Variants in UNC13C observed in about 807,000 individuals in gnomAD.
UNC13C encodes unc-13 homolog C, also known as protein unc-13 homolog C.
UNC13C carries 174 observed loss-of-function variants against 245.4 expected under a neutral mutation model. The ratio of observed to expected loss-of-function variants is 0.71; its 90% confidence interval spans 0.63 to 0.80. The LOEUF (loss-of-function observed/expected upper bound fraction) is 0.80. Ranked by LOEUF, UNC13C falls within the 30% of genes least tolerant of loss-of-function variation. The pLI is 0.00. For missense variants in UNC13C, 2,829 were observed against 2,602.9 expected, an observed-to-expected ratio of 1.09 and a Z score of -1.89; for synonymous variants, 992 against 895.1, an observed-to-expected ratio of 1.11 and a Z score of -1.93.
intron 17 of UNC13C, among the ~76,000 whole-genome samples, chr15:54,365,856 G>T (rs1245077074): frequency 2.6e-5 from 4 of 152,044 alleles, no homozygotes; most frequent in Non-Finnish European, 5.9e-5. Context: ...CTTCCTGAAG[G>T]TTCAGTACTT....
intron 29 of UNC13C, among the ~76,000 whole-genome samples, chr15:54,563,438 A>C (rs1399210967): frequency 6.6e-6 from 1 of 151,952 alleles, no homozygotes; most frequent in African/African-American, 2.4e-5. Flanking sequence ...ACCTGTCCTA[A>C]CTGTTTTTTG....
chr15:54,258,346 A>G lies in UNC13C; in HGVS notation c.3449-5822A>G, dbSNP rs1255932436. 3.9e-5 allele frequency among the ~76,000 whole-genome samples: 6 copies of G among 152,052 alleles called. No homozygotes were observed. In the South Asian group the frequency reaches 1.2e-3, roughly 32 times the overall value. On this transcript the variant is annotated intron_variant, in intron 8 of 32. Coordinates refer to ENST00000260323, the MANE Select transcript of UNC13C (RefSeq NM_001080534.3). ...GTGATTATGCAGCTCAAACCCCTAA[A>G]ATTTCTTACTAATGTGAAATTATTA...
chr15:54,181,669 A>G lies in UNC13C; in HGVS notation c.3071+37985A>G, dbSNP rs1319080524. ...CCACTTTAATCATATTGATTCTTCC[A>G]ATGTATAGAGCATGGTATGTTTTCC... On this transcript the variant is annotated intron_variant, in intron 4 of 32. Coordinates refer to ENST00000260323, the MANE Select transcript of UNC13C (RefSeq NM_001080534.3). Among the ~76,000 whole-genome samples the G allele has an allele frequency of 2.0e-5, 3 of 151,910 alleles. No individual in the cohort carries two copies. The East Asian group carries it at 5.8e-4, about 29-fold the overall frequency.
At chr15:53,888,048 T>C in the UNC13C span, among the ~76,000 whole-genome samples, 4 of 152,242 alleles carry the variant, frequency 2.6e-5, no homozygotes, top group African/African-American at 9.6e-5. Flanking sequence ...GAATGATTTA[T>C]AATCCGTTGG....
At chr15:53,993,723 A>G (rs539466055) in intron 1 of UNC13C, among the ~76,000 whole-genome samples, 11 of 152,126 alleles carry the variant, frequency 7.2e-5, no homozygotes, top group African/African-American at 2.7e-4. Context: ...TTTAATCTGC[A>G]ACGTTTTAGA....
intron 2 of UNC13C, among the ~76,000 whole-genome samples, chr15:54,029,349 C>T (rs1896258724): frequency 1.3e-5 from 2 of 152,206 alleles, no homozygotes; most frequent in Non-Finnish European, 2.9e-5. Context: ...AAGATTAGGG[C>T]TGCAGGGAGA....
chr15:54,540,774 C>A (rs539259263), intron 26 of UNC13C, among the ~76,000 whole-genome samples: 17 of 152,164 alleles, frequency 1.1e-4, no homozygotes, highest in Admixed American at 2.0e-4. Flanking sequence ...GCGCACGTGA[C>A]AATGATTTTA....
the UNC13C span, among the ~76,000 whole-genome samples, chr15:53,892,082 A>G: frequency 5.3e-5 from 8 of 152,068 alleles, no homozygotes; most frequent in African/African-American, 1.9e-4. Context: ...TGGTGACAAA[A>G]TCTCTCAGCA....
the UNC13C span, among the ~76,000 whole-genome samples, chr15:53,950,373 CCCTTTT>C: frequency 6.6e-6 from 1 of 152,004 alleles, no homozygotes; most frequent in South Asian, 2.1e-4. Context: ...AAGTTTTTTC[CCCTTTT>C]CCTTTTTCTC....
intron 4 of UNC13C, among the ~76,000 whole-genome samples, chr15:54,213,268 A>T (rs1236007186): frequency 6.6e-6 from 1 of 152,014 alleles, no homozygotes; most frequent in Non-Finnish European, 1.5e-5. Flanking sequence ...AATGAAAAGA[A>T]TTCTTTCATT....
chr15:54,236,477 T>C (rs1199889890), intron 6 of UNC13C, 42 bp downstream of exon 6: 1 of 1,537,630 alleles, frequency 6.5e-7, no homozygotes, highest in Non-Finnish European at 8.9e-7. Flanking sequence ...TTTGCAGTCT[T>C]CTCAAACATA....
intron 4 of UNC13C, among the ~76,000 whole-genome samples, chr15:54,153,516 T>G (rs1262660910): frequency 6.6e-6 from 1 of 152,158 alleles, no homozygotes; most frequent in Non-Finnish European, 1.5e-5. Flanking sequence ...GTATCAGAGC[T>G]GAGATTTGAA....
At chr15:54,146,216 T>C (rs2141242576) in intron 4 of UNC13C, among the ~76,000 whole-genome samples, 1 of 152,310 alleles carries the variant, frequency 6.6e-6, no homozygotes, top group South Asian at 2.1e-4. Context: ...CAACTTCTAT[T>C]ATCCTAAAAA....
the UNC13C span, among the ~76,000 whole-genome samples, chr15:53,904,264 G>T: frequency 6.6e-6 from 1 of 152,000 alleles, no homozygotes; most frequent in African/African-American, 2.4e-5. Flanking sequence ...TAGCATTTGA[G>T]GAATTTATGG....
At chr15:53,910,509 C>T in the UNC13C span, among the ~76,000 whole-genome samples, 37 of 146,822 alleles carry the variant, frequency 2.5e-4, 3 homozygotes, top group Non-Finnish European at 4.6e-5. Context: ...TGGGGCTCGG[C>T]TCAGCTCAAC....
intron 2 of UNC13C, among the ~76,000 whole-genome samples, chr15:54,022,356 C>T (rs2141005531): frequency 6.6e-6 from 1 of 152,042 alleles, no homozygotes; most frequent in East Asian, 1.9e-4. Flanking sequence ...GTCACCCAGG[C>T]TGGAGTACCT....
At chr15:53,864,189 A>G in the UNC13C span, among the ~76,000 whole-genome samples, 1 of 152,170 alleles carries the variant, frequency 6.6e-6, no homozygotes, top group Non-Finnish European at 1.5e-5. Flanking sequence ...TAAAACACCA[A>G]TTCAAGCAGA....
intron 2 of UNC13C, among the ~76,000 whole-genome samples, chr15:54,100,203 T>C (rs1237582669): frequency 1.3e-5 from 2 of 152,146 alleles, no homozygotes; most frequent in African/African-American, 4.8e-5. Flanking sequence ...GTTTTCTCTA[T>C]TTGTTGTCTC....
intron 19 of UNC13C, among the ~76,000 whole-genome samples, chr15:54,464,565 T>C (rs1245659080): frequency 6.6e-6 from 1 of 152,114 alleles, no homozygotes; most frequent in African/African-American, 2.4e-5. Flanking sequence ...GTTAAATGTA[T>C]TTTTGAAAAT....
Sources: gnomAD v4.1 joint callset for allele counts (sites outside exome capture counted in the v4.1 genomes callset) on GRCh38, gnomAD v4.1.1 for gene constraint, MANE v1.5 for transcripts, NCBI Gene and HGNC (gene_info 2026-07-23, HGNC 2026-07-21) for gene names.